The following POPDC3 variants were observed in gnomAD, a reference collection of about 807,000 sequenced individuals.
POPDC3 encodes popeye domain-containing protein 3.
POPDC3 carries 20 observed loss-of-function variants against 28.2 expected under a neutral mutation model. The observed-to-expected ratio is 0.71, with a 90% confidence interval of 0.50 to 1.03. The LOEUF (loss-of-function observed/expected upper bound fraction) is 1.03. Among genes scored for constraint, POPDC3 ranks in the 50% least tolerant of loss-of-function variants. The pLI, the probability that POPDC3 is intolerant of heterozygous loss-of-function variation, is 0.00. For missense variants in POPDC3, 316 were observed against 345.9 expected (o/e 0.91, Z 0.69); for synonymous variants, 118 against 124.1 (o/e 0.95, Z 0.33).
intron 1 of POPDC3, among the ~76,000 whole-genome samples, chr6:105,164,779 A>C (rs555614318): frequency 1.3e-5 from 2 of 152,372 alleles, no homozygotes; most frequent in Non-Finnish European, 2.9e-5. Flanking sequence ...CTGCAAAGTA[A>C]GTTAGCACAC....
intron 1 of POPDC3, among the ~76,000 whole-genome samples, chr6:105,172,528 A>G (rs1774598396): frequency 6.6e-6 from 1 of 150,572 alleles, no homozygotes; most frequent in Non-Finnish European, 1.5e-5. Context: ...TAGCCATCCC[A>G]TTACTGGGTA....
At chr6:105,178,980 A>G in intron 1 of POPDC3, 1 of 985,478 alleles carries the variant, frequency 1.0e-6, no homozygotes, top group Non-Finnish European at 1.2e-6. Context: ...GAAGTTTAGT[A>G]AATCAAATTG....
chr6:105,161,974 T>C lies in POPDC3; in HGVS notation c.-65A>G, dbSNP rs955374395. 2 of 1,524,182 alleles carry C rather than the reference T, an allele frequency of 1.3e-6. No individual in the cohort carries two copies. The highest frequency in any genetic ancestry group is 2.8e-5 in the African/African-American group (2 of 71,800). 94.4% of individuals were successfully genotyped at this position (1,524,182 alleles called of 1,614,324 possible). On this transcript the variant is annotated 5_prime_UTR_variant, in exon 2 of 4. Transcript: ENST00000254765. ...GATGACACTGAAACAGGTAACTAAG[T>C]CCTTTGGTTCTCCATCATGAGAGTT...
At chr6:105,175,333 G>C (rs184238846) in intron 1 of POPDC3, among the ~76,000 whole-genome samples, 2 of 140,356 alleles carry the variant, frequency 1.4e-5, no homozygotes, top group African/African-American at 2.6e-5. Flanking sequence ...GAGCCTAGGA[G>C]TTTGAGATCA....
chr6:105,158,295 TA>T lies in POPDC3; in HGVS notation c.*174del. ...CAATGAGAAATACAAGAAAAATTTG[TA>T]AAGTTTATTCACAATGCAGTTGTTG... is the stretch of plus-strand genomic sequence containing the variant. On this transcript the variant is annotated 3_prime_UTR_variant, in exon 4 of 4. Transcript: ENST00000254765. 1 of 532,728 alleles carries T rather than the reference TA, an allele frequency of 1.9e-6. No individual in the cohort carries two copies. The highest frequency in any genetic ancestry group is 3.2e-6 in the Non-Finnish European group (1 of 316,420). 33.0% of individuals were successfully genotyped at this position (532,728 alleles called of 1,614,324 possible).
intron 1 of POPDC3, among the ~76,000 whole-genome samples, chr6:105,167,391 T>C (rs1390810451): frequency 6.6e-6 from 1 of 152,018 alleles, no homozygotes; most frequent in Non-Finnish European, 1.5e-5. Flanking sequence ...GTTGTTAAGA[T>C]TATTGAAAAA....
At chr6:105,159,655 A>T in intron 3 of POPDC3, 56 bp downstream of exon 3, 1 of 970,846 alleles carries the variant, frequency 1.0e-6, no homozygotes, top group Non-Finnish European at 1.6e-6. Context: ...ACTTATTTTT[A>T]AACAAACATC....
At chr6:105,176,535 A>C (rs1774685136) in intron 1 of POPDC3, among the ~76,000 whole-genome samples, 1 of 150,420 alleles carries the variant, frequency 6.6e-6, no homozygotes, top group Admixed American at 6.8e-5. Context: ...TTTTTATAAA[A>C]GCATTTCTTT....
At chr6:105,170,322 G>T (rs1478878707) in intron 1 of POPDC3, among the ~76,000 whole-genome samples, 1 of 152,168 alleles carries the variant, frequency 6.6e-6, no homozygotes, top group African/African-American at 2.4e-5. Flanking sequence ...ACATTAAGCA[G>T]TCGTTTCTTT....
In POPDC3 at chr6:105,158,354, C is replaced by T; in HGVS notation, c.*116G>A. 1.2e-6 allele frequency: 1 copy of T among 850,562 alleles called. No homozygotes were observed. Among genetic ancestry groups the T allele is most frequent in the Non-Finnish European group, 1.8e-6 (1 of 571,016 alleles). 52.7% of individuals were successfully genotyped at this position (850,562 alleles called of 1,614,324 possible). Reference sequence around the variant, plus strand: ...TAAAACAGTTGGCAATGGCATCTCGCTTCTGAATTTGATTTATAAAAACAT... The same window carrying T: ...TAAAACAGTTGGCAATGGCATCTCGTTTCTGAATTTGATTTATAAAAACAT... On this transcript the variant is annotated 3_prime_UTR_variant, in exon 4 of 4. Transcript: ENST00000254765.
At chr6:105,175,814 C>A (rs1337980266) in intron 1 of POPDC3, among the ~76,000 whole-genome samples, 1 of 151,936 alleles carries the variant, frequency 6.6e-6, no homozygotes, top group Non-Finnish European at 1.5e-5. Flanking sequence ...TGCACTCCAG[C>A]CTGGGGTGAC....
intron 1 of POPDC3, among the ~76,000 whole-genome samples, chr6:105,164,600 T>G (rs563507875): frequency 4.6e-5 from 7 of 152,162 alleles, no homozygotes; most frequent in Non-Finnish European, 8.8e-5. Flanking sequence ...TGAGCAGGAG[T>G]GTCCTTCTGA....
chr6:105,178,275 C>T (rs1774717081), intron 1 of POPDC3, among the ~76,000 whole-genome samples: 1 of 152,172 alleles, frequency 6.6e-6, no homozygotes, highest in African/African-American at 2.4e-5. Flanking sequence ...TTAATTCTTC[C>T]TGGAGACTGT....
intron 1 of POPDC3, among the ~76,000 whole-genome samples, chr6:105,164,776 G>GT (rs1774424736): frequency 6.6e-6 from 1 of 152,210 alleles, no homozygotes; most frequent in African/African-American, 2.4e-5. Context: ...TCACTGCAAA[G>GT]TAAGTTAGCA....
chr6:105,161,504 C>A lies in POPDC3; in HGVS notation c.406G>T (p.Val136Phe). The stretch of plus-strand genomic sequence containing the variant: ...TAACAGTGTTCCTTTTCCAAAGTAA[C>A]CACTTCAGAGCTCAAAGCAATCGTT... The part of the protein sequence containing the change: ...FRTIALSSEV[V>F]TLEKEHCYAM... Residue 136 changes from valine (V) to phenylalanine (F), a missense_variant, in exon 2 of 4, where the codon GTT (valine) becomes TTT (phenylalanine). Coordinates refer to ENST00000254765, the MANE Select transcript of POPDC3 (RefSeq NM_022361.5). The A allele has an allele frequency of 6.2e-7, 1 of 1,614,156 alleles. No individual in the cohort carries two copies. The highest frequency in any genetic ancestry group is 2.2e-5 in the East Asian group (1 of 44,888).
intron 1 of POPDC3, among the ~76,000 whole-genome samples, chr6:105,164,778 A>C (rs1774424824): frequency 6.6e-6 from 1 of 152,248 alleles, no homozygotes; most frequent in Non-Finnish European, 1.5e-5. Context: ...ACTGCAAAGT[A>C]AGTTAGCACA....
In POPDC3 at chr6:105,179,951, C is replaced by T. The variant is rs1774756943; in HGVS notation, c.-370G>A. On this transcript the variant is annotated 5_prime_UTR_variant, in exon 1 of 4. Transcript: ENST00000254765. Reference sequence around the variant, plus strand: ...CTCAGCGTCCCCCTCGTGAGTGCCTCGCCGCCCACCCTGCGGCGCCGGGCG... The same window carrying T: ...CTCAGCGTCCCCCTCGTGAGTGCCTTGCCGCCCACCCTGCGGCGCCGGGCG... 1 of 149,516 alleles carries T rather than the reference C, an allele frequency of 6.7e-6. No individual in the cohort carries two copies. Among genetic ancestry groups the T allele is most frequent in the Non-Finnish European group, 1.5e-5 (1 of 67,294 alleles). The allele number at this position is 149,516 out of a possible 1,614,324, so 9.3% of individuals were successfully genotyped here.
At chr6:105,170,950 G>T (rs1774564584) in intron 1 of POPDC3, among the ~76,000 whole-genome samples, 2 of 152,154 alleles carry the variant, frequency 1.3e-5, no homozygotes, top group African/African-American at 4.8e-5. Flanking sequence ...TGTGAGTTAT[G>T]GTGAAGCGGT....
At chr6:105,168,104 A>C (rs891977326) in intron 1 of POPDC3, among the ~76,000 whole-genome samples, 1 of 152,256 alleles carries the variant, frequency 6.6e-6, no homozygotes, top group African/African-American at 2.4e-5. Context: ...ATATGCTGCC[A>C]TCAGTCAGAT....
Sources: gnomAD v4.1 joint callset for allele counts (sites outside exome capture counted in the v4.1 genomes callset) on GRCh38, gnomAD v4.1.1 for gene constraint, MANE v1.5 for transcripts, NCBI Gene and HGNC (gene_info 2026-07-23, HGNC 2026-07-21) for gene names.